The following PROM1 variants were observed in gnomAD, a reference collection of about 807,000 sequenced individuals.
The protein encoded by PROM1 is prominin-1.
PROM1 carries 105 observed loss-of-function variants against 116.9 expected under a neutral mutation model. The observed-to-expected ratio is 0.90, with a 90% CI of 0.77 to 1.06. The LOEUF (loss-of-function observed/expected upper bound fraction) is 1.06, where lower values mean the gene tolerates loss of function less well. PROM1 is among the 50% of genes least tolerant of loss of function. PROM1 has a pLI of 0.00. For missense variants in PROM1, 1,122 were observed against 1,045.2 expected (o/e 1.07, Z -1.01); for synonymous variants, 393 against 387.0 (o/e 1.02, Z -0.18).
chr4:16,000,815 C>T (rs1267534337), intron 13 of PROM1, among the ~76,000 whole-genome samples, 196 bp from the exon 14 acceptor site: 1 of 150,704 alleles, frequency 6.6e-6, no homozygotes, highest in Non-Finnish European at 1.5e-5. Flanking sequence ...GGCAAGGGTA[C>T]ACTGGATGGG....
chr4:16,044,051 TCTC>T (rs1735955712), intron 2 of PROM1, among the ~76,000 whole-genome samples: 1 of 152,190 alleles, frequency 6.6e-6, no homozygotes, highest in African/African-American at 2.4e-5. Flanking sequence ...AGCAGGAGCT[TCTC>T]CAACAGGCTG....
rs186176609 is a variant in PROM1 at position 15,993,088 on chromosome 4, G to A, written c.1768-697C>T. Among the ~76,000 whole-genome samples the A allele has an allele frequency of 7.7e-4, 118 of 152,312 alleles. 1 individual carries two copies. The highest frequency in any genetic ancestry group is 2.8e-3 in the African/African-American group (116 of 41,570). ...AAAATTATGTCTGTTTAATGTATAT[G>A]TATGGACTATTTAGGGAAGATAATA... On this transcript the variant is annotated intron_variant, in intron 16 of 27. Coordinates refer to ENST00000447510, the MANE Select transcript of PROM1 (RefSeq NM_006017.3).
chr4:16,048,640 C>T (rs1253284277), intron 2 of PROM1, among the ~76,000 whole-genome samples: 1 of 152,094 alleles, frequency 6.6e-6, no homozygotes, highest in Admixed American at 6.5e-5. Flanking sequence ...CAGTTCCTCT[C>T]CTTTAGCTGA....
chr4:16,045,412 A>T (rs1449497591), intron 2 of PROM1, among the ~76,000 whole-genome samples: 1 of 152,178 alleles, frequency 6.6e-6, no homozygotes, highest in Non-Finnish European at 1.5e-5. Flanking sequence ...CGCAGTCCCC[A>T]GACCACACCA....
chr4:15,970,947 A>T, intron 27 of PROM1, 96 bp downstream of exon 27: 1 of 954,590 alleles, frequency 1.0e-6, no homozygotes, highest in Non-Finnish European at 1.6e-6. Context: ...TTTCCCACTT[A>T]ATGTGGCAAT....
chr4:16,005,464 G>A (rs1271524568), intron 13 of PROM1, among the ~76,000 whole-genome samples: 2 of 150,480 alleles, frequency 1.3e-5, no homozygotes, highest in Non-Finnish European at 2.9e-5. Context: ...CTGATTTATT[G>A]TTCCAGTGAC....
rs1472699097 is a variant in PROM1 at position 16,000,578 on chromosome 4, A to T, written c.1496T>A (p.Ile499Asn). 1 of 1,586,766 alleles carries T rather than the reference A, an allele frequency of 6.3e-7. No individual in the cohort carries two copies. The highest frequency in any genetic ancestry group is 8.6e-7 in the Non-Finnish European group (1 of 1,157,182). ...AAAGACAAAGGTAAGAACCACAATG[A>T]TCATCAATATCCAGCAAAAGAGGAA... ...LSFLFCWILM[I>N]IVVLTFVFGA... Residue 499 changes from isoleucine (I) to asparagine (N), a missense_variant, in exon 14 of 28, where the codon ATC becomes AAC. Physicochemically the swap from Ile to Asn is moderately radical, Grantham distance 149 (BLOSUM62 -3). Coordinates refer to ENST00000447510, the MANE Select transcript of PROM1 (RefSeq NM_006017.3).
intron 2 of PROM1, among the ~76,000 whole-genome samples, chr4:16,057,661 C>G (rs1363638163): frequency 6.6e-6 from 1 of 152,182 alleles, no homozygotes; most frequent in Non-Finnish European, 1.5e-5. Context: ...TTCTCTATTT[C>G]CCTTCTCTAG....
Position 16,008,998 on chromosome 4 carries a change from T to C in PROM1, c.1252A>G (p.Ser418Gly). The C allele has an allele frequency of 6.3e-7, 1 of 1,596,440 alleles. No individual in the cohort carries two copies. The highest frequency in any genetic ancestry group is 8.6e-7 in the Non-Finnish European group (1 of 1,164,696). ...AFSVYVNNTESYIHRNLPTLE... is the reference protein window; with the variant it reads ...AFSVYVNNTEGYIHRNLPTLE... ...GTAGGTAAATTTCTGTGGATGTAAC[T>C]TTCAGTGTTATTAACATAAACAGAG... is the stretch of plus-strand genomic sequence containing the variant. Residue 418 changes from serine (S) to glycine (G), a missense_variant, in exon 12 of 28, where the codon AGT becomes GGT. By Grantham distance (56) the Ser-to-Gly change is moderately conservative. Transcript: ENST00000447510.
intron 4 of PROM1, 90 bp downstream of exon 4, chr4:16,035,645 G>A (rs796400658): frequency 1.4e-5 from 17 of 1,246,508 alleles, no homozygotes; most frequent in East Asian, 2.3e-5. Context: ...GAAATGAAAC[G>A]GATCATTTAA....
chr4:15,978,581 TTCTAAGGTGGA>T (rs1716836717), intron 26 of PROM1, among the ~76,000 whole-genome samples: 1 of 152,206 alleles, frequency 6.6e-6, no homozygotes, highest in African/African-American at 2.4e-5. Flanking sequence ...AGCGTGGGCC[TTCTAAGGTGGA>T]TCTCCCCCAT....
intron 26 of PROM1, among the ~76,000 whole-genome samples, chr4:15,974,413 GT>G (rs2148995276): frequency 6.6e-6 from 1 of 152,250 alleles, no homozygotes; most frequent in African/African-American, 2.4e-5. Context: ...GTGCGTGTGT[GT>G]GTTTAAGAAA....
chr4:15,994,166 C>A, intron 15 of PROM1, 95 bp from the exon 16 acceptor site: 2 of 1,567,562 alleles, frequency 1.3e-6, no homozygotes, highest in South Asian at 2.4e-5. Flanking sequence ...ACTGTTTCTC[C>A]TTGTTTAATC....
At chr4:15,979,042 G>A (rs912724718) in intron 26 of PROM1, among the ~76,000 whole-genome samples, 3 of 119,772 alleles carry the variant, frequency 2.5e-5, no homozygotes, top group Non-Finnish European at 3.6e-5. Context: ...AAAGAAAGAA[G>A]GAAGGAAGGA....
In PROM1 at chr4:16,000,586, T is replaced by C. The variant is rs1406233267; in HGVS notation, c.1488A>G (p.Ile496Met). Residue 496 changes from isoleucine to methionine, a missense_variant, in exon 14 of 28, where the codon ATA becomes ATG. Physicochemically the swap from Ile to Met is conservative, Grantham distance 10. Coordinates refer to ENST00000447510, the MANE Select transcript of PROM1 (RefSeq NM_006017.3). ...GVGLSFLFCW[I>M]LMIIVVLTFV... The stretch of plus-strand genomic sequence containing the variant: ...AGGTAAGAACCACAATGATCATCAA[T>C]ATCCAGCAAAAGAGGAAACTTAATC... The C allele has an allele frequency of 2.5e-6, 4 of 1,583,580 alleles. No individual in the cohort carries two copies. The highest frequency in any genetic ancestry group is 3.3e-4 in the Middle Eastern group (2 of 5,982).
Position 16,024,276 on chromosome 4 carries a change from A to T in PROM1, c.694+19T>A. 6.2e-7 allele frequency: 1 copy of T among 1,606,260 alleles called. No individual in the cohort carries two copies. The highest frequency in any genetic ancestry group is 8.5e-7 in the Non-Finnish European group (1 of 1,173,520). On this transcript the variant is annotated intron_variant, in intron 7 of 27. Transcript: ENST00000447510. ...AAAACAAAGAAAAAAAATGTGAAGC[A>T]ACTTTAAATTTTACTCACTGTTCAG...
chr4:16,052,669 C>T (rs774589013), intron 2 of PROM1, among the ~76,000 whole-genome samples: 1 of 152,078 alleles, frequency 6.6e-6, no homozygotes, highest in Non-Finnish European at 1.5e-5. Context: ...TTTCTAGAAA[C>T]GAGGCTTTGC....
intron 1 of PROM1, among the ~76,000 whole-genome samples, chr4:16,076,845 A>C (rs945386675): frequency 4.6e-5 from 7 of 152,230 alleles, no homozygotes; most frequent in Non-Finnish European, 8.8e-5. Flanking sequence ...AAATGGATTA[A>C]GGGCTGTGCA....
At chr4:16,021,232 G>A (rs1056534570) in intron 8 of PROM1, among the ~76,000 whole-genome samples, 8 of 151,566 alleles carry the variant, frequency 5.3e-5, no homozygotes, top group East Asian at 1.9e-4. Flanking sequence ...AATAACACAC[G>A]AGGCACTGAA....
Sources: gnomAD v4.1 joint callset for allele counts (sites outside exome capture counted in the v4.1 genomes callset) on GRCh38, gnomAD v4.1.1 for gene constraint, MANE v1.5 for transcripts, NCBI Gene and HGNC (gene_info 2026-07-23, HGNC 2026-07-21) for gene names.